The following SCAF8 variants were observed in gnomAD, a reference collection of about 807,000 sequenced individuals.
SCAF8 encodes SR-related CTD associated factor 8.
Under a neutral mutation model 140.5 loss-of-function variants are expected in SCAF8, and 23 were observed. The observed-to-expected ratio is 0.16, with a 90% CI of 0.12 to 0.23. The LOEUF (loss-of-function observed/expected upper bound fraction) is 0.23, where lower values mean the gene tolerates loss of function less well. Ranked by LOEUF, SCAF8 falls within the 10% of genes least tolerant of loss-of-function variation. SCAF8 has a pLI of 1.00. For synonymous variants in SCAF8, 575 were observed against 528.9 expected (o/e 1.09, Z -1.20); for missense variants, 1,397 against 1,555.7 (o/e 0.90, Z 1.72).
At position 154,808,346 on chromosome 6, in the gene SCAF8, G is replaced by T. The variant is rs1478031634; in HGVS notation, c.1113+145G>T. 6 of 851,870 alleles carry T rather than the reference G, an allele frequency of 7.0e-6. No individual in the cohort carries two copies. In the African/African-American group the frequency reaches 8.6e-5, roughly 12 times the overall value. The allele number at this position is 851,870 out of a possible 1,614,324, so 52.8% of individuals were successfully genotyped here. A position where few individuals can be genotyped will look rare whatever the true frequency, so the allele number is the denominator to read the frequency against. ...TTGTTTCACCTATTAGGCCAAGCTT[G>T]TCCAAGGCCTAAGCATGGCCCCTAG... On this transcript the variant is annotated intron_variant, in intron 10 of 19. Transcript: ENST00000367178.
At chr6:154,747,797 G>A (rs939758100) in intron 1 of SCAF8, among the ~76,000 whole-genome samples, 3 of 151,720 alleles carry the variant, frequency 2.0e-5, no homozygotes, top group African/African-American at 4.8e-5. Flanking sequence ...CATTGACCAC[G>A]TGCAGATACT....
chr6:154,793,490 A>AT (rs1381882238), intron 5 of SCAF8, among the ~76,000 whole-genome samples: 1 of 151,542 alleles, frequency 6.6e-6, no homozygotes, highest in Non-Finnish European at 1.5e-5. Context: ...TTTTTAAATA[A>AT]TTTTTTCAAA....
chr6:154,735,776 A>G (rs1471798445), intron 1 of SCAF8, among the ~76,000 whole-genome samples: 4 of 151,966 alleles, frequency 2.6e-5, no homozygotes, highest in African/African-American at 9.7e-5. Flanking sequence ...GGCCTCCCAA[A>G]GTGCTGAGAT....
intron 1 of SCAF8, chr6:154,741,887 G>A: frequency 9.5e-7 from 1 of 1,047,152 alleles, no homozygotes; most frequent in Non-Finnish European, 1.4e-6. Context: ...CTGAGCTCCT[G>A]AACTTTTAAG....
chr6:154,830,640 T>A lies in SCAF8; in HGVS notation c.2141-282T>A, dbSNP rs142956610. ...TTTATCTGGCATTCCTAGAAAATTATTAATTTTTTTGTTACTAGAATTTAC... is the reference window on the plus strand; with the variant it reads ...TTTATCTGGCATTCCTAGAAAATTAATAATTTTTTTGTTACTAGAATTTAC... On this transcript the variant is annotated intron_variant, in intron 18 of 19. Coordinates refer to ENST00000367178, the MANE Select transcript of SCAF8 (RefSeq NM_014892.5). 9.2e-5 allele frequency among the ~76,000 whole-genome samples: 14 copies of A among 152,352 alleles called. No homozygotes were observed. In the East Asian group the frequency reaches 2.3e-3, roughly 25 times the overall value.
At chr6:154,735,992 T>C (rs979377768) in intron 1 of SCAF8, among the ~76,000 whole-genome samples, 2 of 151,468 alleles carry the variant, frequency 1.3e-5, no homozygotes, top group African/African-American at 4.9e-5. Flanking sequence ...ACCATGCCCG[T>C]CATTTTTATT....
At chr6:154,805,563 T>C in intron 9 of SCAF8, 77 bp downstream of exon 9, 3 of 530,054 alleles carry the variant, frequency 5.7e-6, no homozygotes, top group African/African-American at 4.3e-5. Context: ...TGGGTTGGCT[T>C]TTTTTTTTTT....
At chr6:154,799,777 ATTTAT>A (rs1317301592) in intron 6 of SCAF8, among the ~76,000 whole-genome samples, 2 of 138,960 alleles carry the variant, frequency 1.4e-5, no homozygotes, top group African/African-American at 5.7e-5. Context: ...AGTGACTGCT[ATTTAT>A]TTATTTATTT....
chr6:154,759,947 G>A lies in SCAF8; in HGVS notation c.31-14042G>A, dbSNP rs1345465232. Among the ~76,000 whole-genome samples, 74 of 152,004 alleles carry A rather than the reference G, an allele frequency of 4.9e-4. 1 individual carries two copies. Among genetic ancestry groups the A allele is most frequent in the Admixed American group, 4.8e-3 (74 of 15,278 alleles). On this transcript the variant is annotated intron_variant, in intron 1 of 19. Transcript: ENST00000367178. Reference sequence around the variant, plus strand: ...GCCTCCCAAAGTGTTGGGATTACAGGCGTGAGCCACCGTGCCTGGCCATCA... The same window carrying A: ...GCCTCCCAAAGTGTTGGGATTACAGACGTGAGCCACCGTGCCTGGCCATCA...
In SCAF8 at chr6:154,832,278, A is replaced by C; in HGVS notation, c.2699A>C (p.Gln900Pro). The C allele has an allele frequency of 6.2e-7, 1 of 1,614,146 alleles. No individual in the cohort carries two copies. Among genetic ancestry groups the C allele is most frequent in the Non-Finnish European group, 8.5e-7 (1 of 1,180,000 alleles). ...VPNTPGLLGTQPPAGPQNLPP... is the reference protein window; with the variant it reads ...VPNTPGLLGTPPPAGPQNLPP... ...AATACTCCTGGACTTCTGGGAACAC[A>C]GCCACCAGCTGGACCTCAAAACTTA... Residue 900 changes from glutamine to proline, a missense_variant, in exon 20 of 20, where the codon CAG (glutamine) becomes CCG (proline). Physicochemically the swap from Gln to Pro is moderately conservative, Grantham distance 76. Transcript: ENST00000367178.
At chr6:154,830,562 A>T (rs1377766971) in intron 18 of SCAF8, among the ~76,000 whole-genome samples, 2 of 152,214 alleles carry the variant, frequency 1.3e-5, no homozygotes, top group African/African-American at 2.4e-5. Flanking sequence ...GCAGATTTTC[A>T]TACTCATACA....
In SCAF8 at chr6:154,824,392, G is replaced by T. The variant is rs374432303; in HGVS notation, c.2071+14G>T. 4 of 1,607,100 alleles carry T rather than the reference G, an allele frequency of 2.5e-6. No individual in the cohort carries two copies. The South Asian group carries it at 4.4e-5, about 18-fold the overall frequency. On this transcript the variant is annotated intron_variant, in intron 17 of 19. Transcript: ENST00000367178. ...AACCACCACCTGGTAAGGAATTTTTGTTTTAATATTTGAACTCTATTTAGA... is the reference window on the plus strand; with the variant it reads ...AACCACCACCTGGTAAGGAATTTTTTTTTTAATATTTGAACTCTATTTAGA...
Position 154,810,159 on chromosome 6 carries a change from A to G in SCAF8, c.1371A>G (p.Lys457=). Residue 457 remains lysine, a synonymous_variant, in exon 12 of 20, where the codon AAA becomes AAG. Coordinates refer to ENST00000367178, the MANE Select transcript of SCAF8 (RefSeq NM_014892.5). ...SSERRARERE[K]ERQKKGLPPI... The stretch of plus-strand genomic sequence containing the variant: ...AAAGGAGAGCCAGAGAAAGGGAGAA[A>G]GAACGACAGAAAAAGGGATTACCTC... 6.2e-7 allele frequency: 1 copy of G among 1,613,606 alleles called. No individual in the cohort carries two copies. The highest frequency in any genetic ancestry group is 8.5e-7 in the Non-Finnish European group (1 of 1,179,800).
At chr6:154,802,487 C>T (rs981658972) in intron 7 of SCAF8, among the ~76,000 whole-genome samples, 9 of 151,742 alleles carry the variant, frequency 5.9e-5, no homozygotes, top group Non-Finnish European at 1.0e-4. Context: ...CCAGATGATG[C>T]GTGCCTGTAA....
intron 4 of SCAF8, among the ~76,000 whole-genome samples, chr6:154,788,302 CCATA>C: frequency 6.6e-6 from 1 of 152,046 alleles, no homozygotes; most frequent in Non-Finnish European, 1.5e-5. Context: ...ATGGAATATG[CCATA>C]TAGTCTAGGT....
At chr6:154,768,362 C>T (rs563657504) in intron 1 of SCAF8, among the ~76,000 whole-genome samples, 2 of 152,118 alleles carry the variant, frequency 1.3e-5, no homozygotes, top group Admixed American at 1.3e-4. Flanking sequence ...AATGAAAAAC[C>T]TTCGAGAACT....
At chr6:154,790,953 G>A (rs757349464) in intron 4 of SCAF8, among the ~76,000 whole-genome samples, 1 of 152,132 alleles carries the variant, frequency 6.6e-6, no homozygotes, top group Non-Finnish European at 1.5e-5. Flanking sequence ...TTTGGTGATA[G>A]TACCAAGAAA....
intron 19 of SCAF8, among the ~76,000 whole-genome samples, chr6:154,831,488 G>A (rs1207843538): frequency 6.6e-6 from 1 of 151,646 alleles, no homozygotes; most frequent in Non-Finnish European, 1.5e-5. Context: ...ACTTCTATCG[G>A]GAACTTACTT....
At chr6:154,820,374 G>A (rs1158985395) in intron 15 of SCAF8, 41 bp downstream of exon 15, 1 of 1,535,010 alleles carries the variant, frequency 6.5e-7, no homozygotes, top group Admixed American at 1.9e-5. Flanking sequence ...AAAAAAGTAT[G>A]CTTAGAAGGT....
Sources: allele counts gnomAD v4.1 joint callset (sites outside exome capture counted in the v4.1 genomes callset), GRCh38; gene constraint gnomAD v4.1.1; transcripts MANE v1.5; gene names NCBI Gene and HGNC (gene_info 2026-07-23, HGNC 2026-07-21).